Variants in ADD3 observed in about 807,000 individuals in gnomAD.
ADD3 encodes gamma-adducin.
Under a neutral mutation model 80.2 loss-of-function variants are expected in ADD3, and 25 were observed. The observed-to-expected ratio is 0.31, with a 90% confidence interval of 0.23 to 0.44. The LOEUF is 0.44. Ranked by LOEUF, ADD3 falls within the 20% of genes least tolerant of loss-of-function variation. The pLI is 1.00. For synonymous variants in ADD3, 284 were observed against 289.6 expected (o/e 0.98, Z 0.20); for missense variants, 829 against 847.5 (o/e 0.98, Z 0.27).
At chr10:110,092,812 T>C (rs1037634566) in intron 1 of ADD3, among the ~76,000 whole-genome samples, 1 of 152,090 alleles carries the variant, frequency 6.6e-6, no homozygotes, top group Non-Finnish European at 1.5e-5. Flanking sequence ...AGTTTTCTTA[T>C]CTATAAAGTT....
intron 1 of ADD3, among the ~76,000 whole-genome samples, chr10:110,057,212 C>T (rs1168499396): frequency 6.6e-6 from 1 of 152,186 alleles, no homozygotes; most frequent in Admixed American, 6.5e-5. Flanking sequence ...TATTATGTGA[C>T]AACTAACTCT....
intron 3 of ADD3, among the ~76,000 whole-genome samples, chr10:110,113,505 G>A (rs182388334): frequency 4.6e-5 from 7 of 152,264 alleles, no homozygotes; most frequent in Admixed American, 3.9e-4. Flanking sequence ...CTGACCTCAC[G>A]ATCTACCCAC....
At chr10:110,103,962 C>T (rs976622323) in intron 2 of ADD3, among the ~76,000 whole-genome samples, 2 of 152,146 alleles carry the variant, frequency 1.3e-5, no homozygotes, top group Non-Finnish European at 2.9e-5. Context: ...TCTCCTAGCA[C>T]CTCCTAAAAA....
intron 1 of ADD3, among the ~76,000 whole-genome samples, chr10:110,044,703 TAGC>T (rs1441511098): frequency 1.3e-5 from 2 of 152,138 alleles, no homozygotes; most frequent in African/African-American, 4.8e-5. Flanking sequence ...AAAGAGGAGG[TAGC>T]AGAGAGTCTT....
chr10:110,080,597 T>G (rs1048378773), intron 1 of ADD3, among the ~76,000 whole-genome samples: 1 of 152,240 alleles, frequency 6.6e-6, no homozygotes, highest in Non-Finnish European at 1.5e-5. Flanking sequence ...AAGCAAATCC[T>G]TTTTATCAAG....
intron 1 of ADD3, among the ~76,000 whole-genome samples, chr10:110,041,820 C>T (rs762967062): frequency 5.4e-4 from 82 of 152,284 alleles, no homozygotes; most frequent in Non-Finnish European, 7.1e-4. Context: ...CATGTAGCAA[C>T]AAAATCATTA....
intron 5 of ADD3, among the ~76,000 whole-genome samples, chr10:110,117,918 A>G (rs1440430431): frequency 6.6e-6 from 1 of 151,974 alleles, no homozygotes; most frequent in Non-Finnish European, 1.5e-5. Context: ...CGGGAGGCTG[A>G]GGCAGGAGAA....
intron 1 of ADD3, among the ~76,000 whole-genome samples, chr10:110,040,032 T>C (rs1195857326): frequency 6.6e-6 from 1 of 152,240 alleles, no homozygotes; most frequent in Non-Finnish European, 1.5e-5. Context: ...CCCCTATTGC[T>C]GTTGCTCTCT....
chr10:110,124,255 G>A lies in ADD3; in HGVS notation c.1382G>A (p.Ser461Asn). Residue 461 changes from serine (S) to asparagine (N), a missense_variant, in exon 10 of 15, where the codon AGT becomes AAT. Ser to Asn is a conservative substitution (Grantham distance 46). Coordinates refer to ENST00000356080, the MANE Select transcript of ADD3 (RefSeq NM_016824.5). ...VPEESRNGET[S>N]PRTKITWMKA... ...GAGGAGTCTCGGAACGGAGAAACCA[G>A]TCCCCGAACCAAAATCACGGTATGC... 6.2e-7 allele frequency: 1 copy of A among 1,614,018 alleles called. No homozygotes were observed. The highest frequency in any genetic ancestry group is 8.5e-7 in the Non-Finnish European group (1 of 1,179,870).
chr10:110,064,705 C>A (rs12242021), intron 1 of ADD3, among the ~76,000 whole-genome samples: 1 of 152,060 alleles, frequency 6.6e-6, no homozygotes, highest in African/African-American at 2.4e-5. Flanking sequence ...TGTCTCTTCC[C>A]TTTTTCTGAA....
chr10:110,059,594 C>A (rs758893000), intron 1 of ADD3, among the ~76,000 whole-genome samples: 1 of 146,888 alleles, frequency 6.8e-6, no homozygotes, highest in East Asian at 2.0e-4. Context: ...TATAGAGACA[C>A]CCCATCTCTA....
intron 1 of ADD3, among the ~76,000 whole-genome samples, chr10:110,036,083 G>A (rs1044723264): frequency 2.5e-4 from 38 of 152,084 alleles, no homozygotes; most frequent in East Asian, 1.2e-3. Flanking sequence ...CTCGGGAGGC[G>A]GGGGTTACAG....
chr10:110,009,350 G>A lies in ADD3; in HGVS notation c.-30+1051G>A, dbSNP rs374692359. 2.2e-4 allele frequency among the ~76,000 whole-genome samples: 34 copies of A among 152,256 alleles called. 1 individual carries two copies. In the East Asian group the frequency reaches 3.1e-3, roughly 14 times the overall value. ...CAGTATTAAATGGTTGCTTTTCTTG[G>A]AATGGCTTCTGACTACATAGTGCAG... On this transcript the variant is annotated intron_variant, in intron 1 of 14. Coordinates refer to ENST00000356080, the MANE Select transcript of ADD3 (RefSeq NM_016824.5).
rs555452036 is a variant in ADD3, at chr10:110,135,348, A to G, written c.*1730A>G. On this transcript the variant is annotated 3_prime_UTR_variant, in exon 15 of 15. Transcript: ENST00000356080. ...TGCTTTTCCATAACTTTTTAAAAAT[A>G]TATATATCTAAATGAATGCAATGTG... The G allele has an allele frequency of 6.5e-6, 1 of 152,758 alleles. No individual in the cohort carries two copies. Among genetic ancestry groups the G allele is most frequent in the South Asian group, 2.1e-4 (1 of 4,834 alleles). 9.5% of individuals were successfully genotyped at this position (152,758 alleles called of 1,614,324 possible). A position where few individuals can be genotyped will look rare whatever the true frequency, so the allele number is the denominator to read the frequency against.
At chr10:110,034,683 A>C (rs1227440984) in intron 1 of ADD3, among the ~76,000 whole-genome samples, 1 of 152,166 alleles carries the variant, frequency 6.6e-6, no homozygotes, top group Non-Finnish European at 1.5e-5. Flanking sequence ...TCTACTGTTT[A>C]TATTCTCTAA....
chr10:110,011,819 C>T (rs1457610915), intron 1 of ADD3, among the ~76,000 whole-genome samples: 1 of 152,176 alleles, frequency 6.6e-6, no homozygotes, highest in Non-Finnish European at 1.5e-5. Flanking sequence ...GGTTTGAACT[C>T]CGGGTCCATG....
In ADD3 at chr10:110,118,744, A is replaced by T. The variant is rs1565016295; in HGVS notation, c.717+8A>T. 1 of 1,612,632 alleles carries T rather than the reference A, an allele frequency of 6.2e-7. No individual in the cohort carries two copies. The highest frequency in any genetic ancestry group is 8.5e-7 in the Non-Finnish European group (1 of 1,178,888). ...ACCCTTGCAACAGCAGCTGTAAGTC[A>T]ATGAAAGTCCAAAACTGACAGGACG... On this transcript the variant is annotated splice_region_variant and intron_variant, in intron 6 of 14. Transcript: ENST00000356080.
chr10:110,055,589 A>G (rs962363515), intron 1 of ADD3, among the ~76,000 whole-genome samples: 2 of 152,202 alleles, frequency 1.3e-5, no homozygotes, highest in Admixed American at 1.3e-4. Context: ...AAAAATGGAT[A>G]AAGTATAAGT....
chr10:110,116,558 T>C, intron 4 of ADD3, 148 bp downstream of exon 4: 1 of 768,094 alleles, frequency 1.3e-6, no homozygotes, highest in South Asian at 2.0e-5. Context: ...ATTTAAACCT[T>C]ATACCCAAGG....
Sources: gnomAD v4.1 joint callset for allele counts (sites outside exome capture counted in the v4.1 genomes callset) on GRCh38, gnomAD v4.1.1 for gene constraint, MANE v1.5 for transcripts, NCBI Gene and HGNC (gene_info 2026-07-23, HGNC 2026-07-21) for gene names.